Variants in GLIS1 observed in about 807,000 individuals in gnomAD.
GLIS1 encodes the protein GLIS family zinc finger 1.
Under a neutral mutation model 63.8 loss-of-function variants are expected in GLIS1, and 24 were observed. That is an observed-to-expected ratio of 0.38 (90% CI 0.27 to 0.53). The LOEUF (loss-of-function observed/expected upper bound fraction) is 0.53, where lower values mean the gene tolerates loss of function less well. Among genes scored for constraint, GLIS1 ranks in the 20% least tolerant of loss-of-function variants. The probability of loss-of-function intolerance (pLI) is 0.85; values close to 1 mark genes in which losing one functional copy is unlikely to be tolerated. For synonymous variants in GLIS1, 450 were observed against 482.5 expected (o/e 0.93, Z 0.88); for missense variants, 1,036 against 1,074.1 (o/e 0.96, Z 0.50).
chr1:53,712,710 C>T (rs1646658319), intron 2 of GLIS1, among the ~76,000 whole-genome samples: 1 of 152,194 alleles, frequency 6.6e-6, no homozygotes, highest in East Asian at 1.9e-4. Context: ...GCAGAAGTGG[C>T]TTGCAGAGCC....
At chr1:53,707,191 G>T (rs969407367) in intron 2 of GLIS1, among the ~76,000 whole-genome samples, 2 of 152,196 alleles carry the variant, frequency 1.3e-5, no homozygotes, top group Non-Finnish European at 2.9e-5. Flanking sequence ...CAGGGGAAGA[G>T]GGGAGAAAGA....
intron 2 of GLIS1, among the ~76,000 whole-genome samples, chr1:53,685,339 G>T (rs1238033563): frequency 6.6e-6 from 1 of 152,204 alleles, no homozygotes. Flanking sequence ...CCGCCGCGGA[G>T]GACCGCGTCC....
At chr1:53,715,410 C>T (rs533653171) in intron 2 of GLIS1, among the ~76,000 whole-genome samples, 4 of 152,162 alleles carry the variant, frequency 2.6e-5, no homozygotes, top group Non-Finnish European at 5.9e-5. Context: ...GCAAGAGAGG[C>T]AGAGTCATGT....
intron 2 of GLIS1, among the ~76,000 whole-genome samples, chr1:53,728,665 AT>A (rs1646829051): frequency 6.6e-6 from 1 of 152,204 alleles, no homozygotes; most frequent in South Asian, 2.1e-4. Flanking sequence ...AATATTATCT[AT>A]TTTTCCACTT....
rs1645285385 is a variant in GLIS1, at chr1:53,598,600, G to T, written c.437+1501C>A. On this transcript the variant is annotated intron_variant, in intron 3 of 10. Transcript: ENST00000628545. The surrounding 1 kb of genome is among the most constrained non-coding windows in gnomAD (Gnocchi z 4.6). ...GGCCACGTGAGTACTCAGCGACAAG[G>T]CGGTCATCTGCGAGCTAAGGAGAGA... Among the ~76,000 whole-genome samples the T allele has an allele frequency of 6.6e-6, 1 of 152,058 alleles. No individual in the cohort carries two copies. Among genetic ancestry groups the T allele is most frequent in the Non-Finnish European group, 1.5e-5 (1 of 68,024 alleles).
intron 5 of GLIS1, 50 bp downstream of exon 5, chr1:53,529,741 G>T (rs749348386): frequency 3.8e-6 from 6 of 1,568,834 alleles, no homozygotes; most frequent in Non-Finnish European, 5.2e-6. Flanking sequence ...TGAGTGGCAG[G>T]TGTGTGGCCA....
rs1457861622 is a variant in GLIS1, at chr1:53,738,077, G to C, written c.-13C>G. ...CCTCGCAATGCATGGCGCCGGGGCG[G>C]GGCGCACGGCTGGGGGTCGCGCCGG... On this transcript the variant is annotated 5_prime_UTR_variant, in exon 2 of 11. Coordinates refer to ENST00000628545, the MANE Select transcript of GLIS1 (RefSeq NM_001367484.1). The C allele has an allele frequency of 2.4e-6, 3 of 1,229,958 alleles. No individual in the cohort carries two copies. Among genetic ancestry groups the C allele is most frequent in the Non-Finnish European group, 3.0e-6 (3 of 986,852 alleles). 76.2% of individuals were successfully genotyped at this position (1,229,958 alleles called of 1,614,324 possible).
chr1:53,512,894 G>C lies in GLIS1; in HGVS notation c.1883+1731C>G, dbSNP rs369072637. On this transcript the variant is annotated intron_variant, in intron 8 of 10. Transcript: ENST00000628545. ...GTGAGCAGGTGGCCTGAGCAGCTAT[G>C]GGTGGGGGCGGGGACCATCGTAGTA... Among the ~76,000 whole-genome samples, 92 of 152,174 alleles carry C rather than the reference G, an allele frequency of 6.0e-4. 1 individual carries two copies. The highest frequency in any genetic ancestry group is 2.2e-3 in the African/African-American group (90 of 41,522).
chr1:53,609,130 A>G (rs3013747), intron 2 of GLIS1, among the ~76,000 whole-genome samples: 114,585 of 152,042 alleles, frequency 0.75, 43,327 homozygotes, highest in Middle Eastern at 0.86. Context: ...TTAAACCAAA[A>G]GCATCCTTAT....
At chr1:53,587,502 C>T (rs1645147709) in intron 4 of GLIS1, among the ~76,000 whole-genome samples, 2 of 152,162 alleles carry the variant, frequency 1.3e-5, no homozygotes, top group African/African-American at 4.8e-5. Flanking sequence ...CAGGATTCTC[C>T]AGGGCAGCTT....
At chr1:53,599,853 T>C (rs544963088) in intron 3 of GLIS1, among the ~76,000 whole-genome samples, 2 of 152,266 alleles carry the variant, frequency 1.3e-5, no homozygotes, top group South Asian at 2.1e-4. Flanking sequence ...TCTGAAATGA[T>C]TGATTCTCTG....
rs1644389281 is a variant in GLIS1 at position 53,519,886 on chromosome 1, C to CG, written c.1726+747dup. Among the ~76,000 whole-genome samples the CG allele has an allele frequency of 8.5e-5, 13 of 152,302 alleles. No individual in the cohort carries two copies. In the South Asian group the frequency reaches 2.7e-3, roughly 32 times the overall value. On this transcript the variant is annotated intron_variant, in intron 7 of 10. Transcript: ENST00000628545. ...GAGCAGAATGGGCTCTTCTTGAAGA[C>CG]GGTTCCTCCCTGCGGATGATCCTGG...
intron 4 of GLIS1, among the ~76,000 whole-genome samples, chr1:53,531,710 C>T (rs1644532730): frequency 6.6e-6 from 1 of 152,230 alleles, no homozygotes; most frequent in African/African-American, 2.4e-5. Context: ...GAGGGAGACA[C>T]AGGGGCTGTG....
chr1:53,514,154 C>T (rs1227509887), intron 8 of GLIS1, among the ~76,000 whole-genome samples: 3 of 152,248 alleles, frequency 2.0e-5, no homozygotes, highest in Non-Finnish European at 2.9e-5. Context: ...CAGCCCCCCG[C>T]AGGCCGGGCA....
rs181330422 is a variant in GLIS1, at chr1:53,539,732, C to T, written c.1321-9780G>A. Among the ~76,000 whole-genome samples, 7 of 152,316 alleles carry T rather than the reference C, an allele frequency of 4.6e-5. No homozygotes were observed. The highest frequency in any genetic ancestry group is 3.9e-4 in the East Asian group (2 of 5,182). On this transcript the variant is annotated intron_variant, in intron 4 of 10. Transcript: ENST00000628545. The surrounding 1 kb of genome is among the most constrained non-coding windows in gnomAD (Gnocchi z 5.0). The stretch of plus-strand genomic sequence containing the variant: ...CCAGCCACACCGACACACTGCCCCA[C>T]GCATAGCACAGCACACGTGGAAACT...
At chr1:53,586,342 T>C (rs1645134552) in intron 4 of GLIS1, among the ~76,000 whole-genome samples, 1 of 152,094 alleles carries the variant, frequency 6.6e-6, no homozygotes, top group South Asian at 2.1e-4. Flanking sequence ...ACTATCCCAT[T>C]TCACAGTGCA....
chr1:53,577,729 A>T (rs1469255316), intron 4 of GLIS1, among the ~76,000 whole-genome samples: 1 of 152,070 alleles, frequency 6.6e-6, no homozygotes, highest in Non-Finnish European at 1.5e-5. Flanking sequence ...TTTGAGTCTG[A>T]TCCTCTTCCC....
chr1:53,525,472 AG>A (rs1644457639), intron 5 of GLIS1, among the ~76,000 whole-genome samples: 3 of 101,664 alleles, frequency 3.0e-5, no homozygotes, highest in East Asian at 2.8e-4. Flanking sequence ...GAGGCTGGGG[AG>A]GCTGGGGAGT....
chr1:53,529,350 G>A (rs753607228), intron 5 of GLIS1, among the ~76,000 whole-genome samples: 24 of 152,122 alleles, frequency 1.6e-4, no homozygotes, highest in African/African-American at 5.1e-4. Context: ...CTGTGTCTAC[G>A]GAGGGGGCAG....
Sources: allele counts gnomAD v4.1 joint callset (sites outside exome capture counted in the v4.1 genomes callset), GRCh38; gene constraint gnomAD v4.1.1; non-coding constraint Gnocchi (gnomAD v3.1); transcripts MANE v1.5; gene names NCBI Gene and HGNC (gene_info 2026-07-23, HGNC 2026-07-21).